Variants in OPTN observed in about 807,000 individuals in gnomAD.
OPTN encodes optineurin.
OPTN carries 54 observed loss-of-function variants against 70.4 expected under a neutral mutation model. The ratio of observed to expected loss-of-function variants is 0.77; its 90% confidence interval spans 0.62 to 0.96. The LOEUF (loss-of-function observed/expected upper bound fraction) is 0.96. OPTN is among the 40% of genes least tolerant of loss of function. The pLI is 0.00. For synonymous variants in OPTN, 256 were observed against 248.5 expected (o/e 1.03, Z -0.28); for missense variants, 624 against 673.2 (o/e 0.93, Z 0.81).
rs1257045089 is a variant in OPTN, at chr10:13,116,283, G to C, written c.569G>C (p.Gly190Ala). 1.2e-6 allele frequency: 2 copies of C among 1,610,872 alleles called. No individual in the cohort carries two copies. The highest frequency in any genetic ancestry group is 1.7e-6 in the Non-Finnish European group (2 of 1,177,252). Residue 190 changes from glycine (G) to alanine (A), a missense_variant, in exon 6 of 15, where the codon GGG becomes GCG. Coordinates refer to ENST00000378747, the MANE Select transcript of OPTN (RefSeq NM_001008212.2). ...EIRMAEGEAE[G>A]SVKEIKHSPG... ...TTTTCACAGGAAGGAGAAGCAGAAG[G>C]GTCAGTAAAAGAAATCAAGCATAGT...
intron 5 of OPTN, among the ~76,000 whole-genome samples, chr10:13,115,521 TCTATAATATATAATATAGA>T (rs1833181795): frequency 1.8e-5 from 2 of 108,190 alleles, no homozygotes; most frequent in East Asian, 5.3e-4. Context: ...TATAATATAT[TCTATAATATATAATATAGA>T]ATATATTATA....
chr10:13,131,128 CCAGGCTGTCAG>C (rs768585815), intron 12 of OPTN, among the ~76,000 whole-genome samples: 72 of 152,026 alleles, frequency 4.7e-4, no homozygotes, highest in Non-Finnish European at 9.7e-4. Context: ...GCCATGTTGC[CCAGGCTGTCAG>C]CAGGAGGCCT....
chr10:13,121,486 G>A (rs1381517822), intron 7 of OPTN, among the ~76,000 whole-genome samples: 2 of 109,308 alleles, frequency 1.8e-5, no homozygotes, highest in East Asian at 3.0e-4. Flanking sequence ...TCTTTTTCTT[G>A]CCTGATTATC....
At chr10:13,115,527 A>T (rs11258209) in intron 5 of OPTN, among the ~76,000 whole-genome samples, 37,074 of 69,694 alleles carry the variant, frequency 0.53, 8,820 homozygotes, top group Non-Finnish European at 0.56. Flanking sequence ...ATATTCTATA[A>T]TATATAATAT....
rs756322212 is a variant in OPTN at position 13,127,913 on chromosome 10, C to A, written c.1401+10C>A. 1 of 1,614,036 alleles carries A rather than the reference C, an allele frequency of 6.2e-7. No individual in the cohort carries two copies. The highest frequency in any genetic ancestry group is 2.2e-5 in the East Asian group (1 of 44,872). On this transcript the variant is annotated intron_variant, in intron 12 of 14. Coordinates refer to ENST00000378747, the MANE Select transcript of OPTN (RefSeq NM_001008212.2). ...CATCCTCAGGGCTCAGGTGAGGCAC[C>A]TTCCAAAACCCCAGCTGAGCGAGGC...
chr10:13,112,721 C>A, intron 5 of OPTN, 86 bp downstream of exon 5: 1 of 1,340,396 alleles, frequency 7.5e-7, no homozygotes, highest in Non-Finnish European at 1.1e-6. Flanking sequence ...TTCTTGTCAA[C>A]ACAAGCCAAG....
chr10:13,125,846 A>G, intron 10 of OPTN, 100 bp from the exon 11 acceptor site: 2 of 909,238 alleles, frequency 2.2e-6, no homozygotes, highest in Non-Finnish European at 3.6e-6. Flanking sequence ...GGTAGGCGAG[A>G]AGATTTTTCT....
intron 13 of OPTN, 71 bp from the exon 14 acceptor site, chr10:13,133,431 C>A: frequency 7.7e-7 from 1 of 1,304,478 alleles, no homozygotes; most frequent in Non-Finnish European, 1.1e-6. Flanking sequence ...CTTCTGTGGA[C>A]TGTCTGCTCA....
chr10:13,116,490 C>T, intron 6 of OPTN, 150 bp downstream of exon 6: 5 of 704,932 alleles, frequency 7.1e-6, no homozygotes, highest in Non-Finnish European at 1.3e-5. Context: ...GGTTTGAATG[C>T]TATTTAATGT....
At chr10:13,106,894 A>G (rs1832877093) in intron 1 of OPTN, among the ~76,000 whole-genome samples, 1 of 152,186 alleles carries the variant, frequency 6.6e-6, no homozygotes, top group Admixed American at 6.5e-5. Flanking sequence ...GGGTTCACAC[A>G]GGCTCCATAG....
chr10:13,102,252 G>A (rs140654672), intron 1 of OPTN, among the ~76,000 whole-genome samples: 111 of 152,332 alleles, frequency 7.3e-4, no homozygotes, highest in African/African-American at 2.5e-3. Context: ...CCTTGGGTAC[G>A]AGTGTTTTGG....
At chr10:13,105,521 C>T (rs192361873) in intron 1 of OPTN, among the ~76,000 whole-genome samples, 3 of 152,244 alleles carry the variant, frequency 2.0e-5, no homozygotes, top group Admixed American at 1.3e-4. Context: ...TTATAAAATC[C>T]GGGCAATGTG....
At chr10:13,102,290 T>G (rs548677715) in intron 1 of OPTN, among the ~76,000 whole-genome samples, 2 of 152,338 alleles carry the variant, frequency 1.3e-5, no homozygotes, top group East Asian at 3.9e-4. Context: ...GGTGGGTCAG[T>G]TGGGCCTGGG....
chr10:13,104,168 A>G (rs1254164224), intron 1 of OPTN, among the ~76,000 whole-genome samples: 2 of 151,870 alleles, frequency 1.3e-5, no homozygotes, highest in Admixed American at 6.6e-5. Context: ...CTGCACAGTG[A>G]TAGCTCATAG....
chr10:13,109,314 C>T (rs200525334), intron 3 of OPTN, 26 bp downstream of exon 3: 895 of 1,612,874 alleles, frequency 5.5e-4, no homozygotes, highest in South Asian at 7.1e-4. Context: ...CCCTGTGTGC[C>T]CCATTCATCC....
At chr10:13,132,820 A>ATTT (rs1833621547) in intron 13 of OPTN, among the ~76,000 whole-genome samples, 1 of 152,218 alleles carries the variant, frequency 6.6e-6, no homozygotes, top group East Asian at 1.9e-4. Context: ...ATTTTGAGAA[A>ATTT]GTTTTAAAAC....
chr10:13,134,692 T>G (rs1232219285), intron 14 of OPTN, among the ~76,000 whole-genome samples: 1 of 152,032 alleles, frequency 6.6e-6, no homozygotes, highest in Admixed American at 6.5e-5. Context: ...CCTCCCAAAG[T>G]GCTGGGATTA....
intron 9 of OPTN, 97 bp from the exon 10 acceptor site, chr10:13,125,321 A>G (rs1461837132): frequency 7.3e-7 from 1 of 1,368,042 alleles, no homozygotes; most frequent in African/African-American, 1.4e-5. Flanking sequence ...CTACAGCCCT[A>G]AAATTCTTAT....
intron 7 of OPTN, among the ~76,000 whole-genome samples, chr10:13,121,499 G>GT (rs1476426312): frequency 1.8e-4 from 7 of 38,332 alleles, no homozygotes; most frequent in African/African-American, 5.6e-4. Context: ...TGATTATCCT[G>GT]TAAAAAAAAA....
Sources: gnomAD v4.1 joint callset for allele counts (sites outside exome capture counted in the v4.1 genomes callset) on GRCh38, gnomAD v4.1.1 for gene constraint, MANE v1.5 for transcripts, NCBI Gene and HGNC (gene_info 2026-07-23, HGNC 2026-07-21) for gene names.